Variants in LHFPL3 observed in about 807,000 individuals in gnomAD.
The protein encoded by LHFPL3 is LHFPL tetraspan subfamily member 3.
Under a neutral mutation model 19.3 loss-of-function variants are expected in LHFPL3, and 5 were observed. The ratio of observed to expected loss-of-function variants is 0.26; its 90% CI spans 0.14 to 0.54. LHFPL3 has a LOEUF of 0.54. Among genes scored for constraint, LHFPL3 ranks in the 20% least tolerant of loss-of-function variants. The pLI, the probability that LHFPL3 is intolerant of heterozygous loss-of-function variation, is 0.94. For synonymous variants in LHFPL3, 133 were observed against 126.2 expected (o/e 1.05, Z -0.36); for missense variants, 249 against 307.4 (o/e 0.81, Z 1.42).
At chr7:104,632,175 G>C (rs1791656127) in intron 1 of LHFPL3, among the ~76,000 whole-genome samples, 1 of 152,122 alleles carries the variant, frequency 6.6e-6, no homozygotes, top group East Asian at 1.9e-4. Flanking sequence ...AATCATTTGT[G>C]TTGGGTGAGG....
intron 1 of LHFPL3, among the ~76,000 whole-genome samples, chr7:104,563,213 G>GTTCGAGC: frequency 6.6e-6 from 1 of 152,274 alleles, no homozygotes; most frequent in East Asian, 1.9e-4. Flanking sequence ...GCTCCACCCA[G>GTTCGAGC]TTCGAGCTTC....
intron 1 of LHFPL3, among the ~76,000 whole-genome samples, chr7:104,468,736 G>A (rs996048308): frequency 1.8e-4 from 26 of 148,570 alleles, no homozygotes; most frequent in African/African-American, 6.5e-4. Context: ...TCGGCTCACT[G>A]CAACCTCCAC....
intron 1 of LHFPL3, among the ~76,000 whole-genome samples, chr7:104,433,704 T>A (rs1792045019): frequency 6.6e-6 from 1 of 152,224 alleles, no homozygotes; most frequent in African/African-American, 2.4e-5. Flanking sequence ...CCTTTTGGAC[T>A]CAGCTTTGTC....
At chr7:104,616,408 A>T (rs1041862611) in intron 1 of LHFPL3, among the ~76,000 whole-genome samples, 2 of 152,196 alleles carry the variant, frequency 1.3e-5, no homozygotes, top group African/African-American at 4.8e-5. Flanking sequence ...TATTTAATAA[A>T]TGGTGCTGGG....
At chr7:104,331,672 G>T (rs916301683) in intron 1 of LHFPL3, among the ~76,000 whole-genome samples, 1 of 152,104 alleles carries the variant, frequency 6.6e-6, no homozygotes, top group African/African-American at 2.4e-5. Flanking sequence ...AGTCTAGGCC[G>T]GGCGCAGTGG....
chr7:104,747,928 G>A lies in LHFPL3; in HGVS notation c.682+11017G>A, dbSNP rs149952019. On this transcript the variant is annotated intron_variant, in intron 2 of 2. Coordinates refer to ENST00000424859, the MANE Select transcript of LHFPL3 (RefSeq NM_199000.3). ...ATAAATTGTATTTTTAGAGTGTGGG[G>A]AAAAGCAAGAGAGATCAGATTGTTA... Among the ~76,000 whole-genome samples the A allele has an allele frequency of 3.1e-3, 465 of 152,212 alleles. 4 individuals carry two copies. The highest frequency in any genetic ancestry group is 0.011 in the African/African-American group (450 of 41,532).
intron 1 of LHFPL3, among the ~76,000 whole-genome samples, chr7:104,454,135 C>G (rs900547651): frequency 6.6e-5 from 10 of 152,082 alleles, no homozygotes; most frequent in South Asian, 4.2e-4. Flanking sequence ...GGGAAGCTAA[C>G]CAAAGAGGGA....
At chr7:104,882,381 G>A (rs1792074481) in intron 2 of LHFPL3, among the ~76,000 whole-genome samples, 1 of 152,156 alleles carries the variant, frequency 6.6e-6, no homozygotes, top group African/African-American at 2.4e-5. Context: ...CCAAGTAGCT[G>A]AGATTACAGG....
chr7:104,667,643 C>T (rs915298815), intron 1 of LHFPL3: 6 of 823,802 alleles, frequency 7.3e-6, no homozygotes, highest in Non-Finnish European at 1.1e-5. Flanking sequence ...GAACTTGAAA[C>T]AGCCAAGGGT....
rs75796637 is a variant in LHFPL3, at chr7:104,415,673, A to G, written c.445+86449A>G. On this transcript the variant is annotated intron_variant, in intron 1 of 2. Transcript: ENST00000424859. ...ATAAAACACATTCCACTTTCTAGTC[A>G]GCTTTTCTATTTAATGTGACACATA... is the stretch of plus-strand genomic sequence containing the variant. Among the ~76,000 whole-genome samples, 1,256 of 152,336 alleles carry G rather than the reference A, an allele frequency of 8.2e-3. 71 individuals are homozygous for G. The East Asian group carries it at 0.16, about 19-fold the overall frequency.
chr7:104,819,520 G>A (rs1790636908), intron 2 of LHFPL3, among the ~76,000 whole-genome samples: 1 of 152,030 alleles, frequency 6.6e-6, no homozygotes, highest in African/African-American at 2.4e-5. Flanking sequence ...TTTGCAGTAG[G>A]GAGCCTGTGC....
At chr7:104,479,901 CT>C (rs1469278841) in intron 1 of LHFPL3, among the ~76,000 whole-genome samples, 1 of 152,174 alleles carries the variant, frequency 6.6e-6, no homozygotes, top group Non-Finnish European at 1.5e-5. Flanking sequence ...CTAAAAATTT[CT>C]CATTGATCAT....
At chr7:104,455,700 A>C (rs1029897898) in intron 1 of LHFPL3, among the ~76,000 whole-genome samples, 10 of 152,314 alleles carry the variant, frequency 6.6e-5, no homozygotes, top group South Asian at 6.2e-4. Context: ...CCACTTGAGC[A>C]AAACAGTGAG....
At chr7:104,550,207 C>T (rs1161180938) in intron 1 of LHFPL3, among the ~76,000 whole-genome samples, 1 of 151,916 alleles carries the variant, frequency 6.6e-6, no homozygotes, top group East Asian at 1.9e-4. Context: ...TTGCTTTACT[C>T]AAAGTCCACC....
intron 1 of LHFPL3, among the ~76,000 whole-genome samples, chr7:104,387,040 G>A (rs924362003): frequency 3.3e-5 from 5 of 152,262 alleles, no homozygotes; most frequent in Admixed American, 3.3e-4. Flanking sequence ...AAGCCAAAAT[G>A]TTGGACCAAT....
At chr7:104,620,637 A>T (rs1437392564) in intron 1 of LHFPL3, among the ~76,000 whole-genome samples, 1 of 151,436 alleles carries the variant, frequency 6.6e-6, no homozygotes, top group African/African-American at 2.4e-5. Context: ...CCAAATAGAA[A>T]CACTTTTTAT....
intron 2 of LHFPL3, among the ~76,000 whole-genome samples, chr7:104,789,811 C>A (rs868744085): frequency 3.3e-5 from 5 of 152,200 alleles, no homozygotes; most frequent in Non-Finnish European, 5.9e-5. Context: ...GACTTAGATG[C>A]CCTTCAAGAG....
intron 2 of LHFPL3, among the ~76,000 whole-genome samples, chr7:104,886,209 A>G (rs1792144951): frequency 6.6e-6 from 1 of 152,216 alleles, no homozygotes; most frequent in Admixed American, 6.5e-5. Context: ...AGTGCCTAAC[A>G]TATCATATAT....
intron 1 of LHFPL3, among the ~76,000 whole-genome samples, chr7:104,331,169 T>C (rs1801560588): frequency 6.6e-6 from 1 of 152,232 alleles, no homozygotes; most frequent in Non-Finnish European, 1.5e-5. Flanking sequence ...TTTTTTGTTT[T>C]GTTTCGTTTT....
Sources: allele counts gnomAD v4.1 joint callset (sites outside exome capture counted in the v4.1 genomes callset), GRCh38; gene constraint gnomAD v4.1.1; transcripts MANE v1.5; gene names NCBI Gene and HGNC (gene_info 2026-07-23, HGNC 2026-07-21).